The following PNCK variants were observed in gnomAD, a reference collection of about 807,000 sequenced individuals.
PNCK encodes pregnancy up-regulated nonubiquitous CaM kinase, also known as calcium/calmodulin-dependent protein kinase type 1B.
In PNCK, 21 loss-of-function variants were observed where a neutral mutation model predicts 28.3. The ratio of observed to expected loss-of-function variants is 0.74; its 90% CI spans 0.53 to 1.07. The LOEUF is 1.07. Among genes scored for constraint, PNCK ranks in the 50% least tolerant of loss-of-function variants. The pLI, the probability that PNCK is intolerant of heterozygous loss-of-function variation, is 0.00. For missense variants in PNCK, 250 were observed against 298.3 expected, an observed-to-expected ratio of 0.84 and a Z score of 1.19; for synonymous variants, 136 against 125.2, an observed-to-expected ratio of 1.09 and a Z score of -0.58.
At chrX:153,678,128 C>T (rs1557042003), upstream of PNCK, among the ~76,000 whole-genome samples, 1 of 109,562 alleles carries the variant, frequency 9.1e-6, no homozygotes. Flanking sequence ...AGCTGCCTGC[C>T]CTTGCTTGTC....
At position 153,671,275 on chromosome X, in the gene PNCK, G is replaced by A. The variant is rs373164616; in HGVS notation, c.614+10C>T. On this transcript the variant is annotated intron_variant, in intron 7 of 11. Transcript: ENST00000340888. Reference sequence around the variant, plus strand: ...CAGGCAGGAGACAAGCCTTCCCAGCGGTCACTCACAGGATGTAGGAGATGA... The same window carrying A: ...CAGGCAGGAGACAAGCCTTCCCAGCAGTCACTCACAGGATGTAGGAGATGA... 13 of 1,203,227 alleles carry A rather than the reference G, an allele frequency of 1.1e-5. No individual in the cohort carries two copies. Among genetic ancestry groups the A allele is most frequent in the Middle Eastern group, 2.3e-4 (1 of 4,345 alleles).
intron 1 of PNCK, among the ~76,000 whole-genome samples, chrX:153,685,870 G>A: frequency 1.8e-5 from 2 of 113,008 alleles, no homozygotes; most frequent in African/African-American, 6.4e-5. Context: ...ACCAGCTGGG[G>A]GCGGGAGGCA....
upstream of PNCK, chrX:153,673,905 C>T: frequency 1.1e-6 from 1 of 931,547 alleles, no homozygotes; most frequent in Non-Finnish European, 1.3e-6. Context: ...AGTGGCCCAG[C>T]GCGGCCGCGG....
chrX:153,672,163 G>A lies in PNCK; in HGVS notation c.238C>T (p.His80Tyr). 1.7e-6 allele frequency: 2 copies of A among 1,206,973 alleles called. No individual in the cohort carries two copies. Among genetic ancestry groups the A allele is most frequent in the Non-Finnish European group, 2.2e-6 (2 of 893,068 alleles). Residue 80 changes from histidine to tyrosine, a missense_variant, in exon 4 of 12, where the codon CAC becomes TAC. Physicochemically the swap from His to Tyr is moderately conservative, Grantham distance 83. Coordinates refer to ENST00000340888, the MANE Select transcript of PNCK (RefSeq NM_001366977.1). ...AGGTAGAGGTGGGAAGGGCTCTCGT[G>A]GACATCCTCCAGAGCGACGATGTTG... ...HPNIVALEDV[H>Y]ESPSHLYLAM...
chrX:153,677,942 A>G (rs966362858), upstream of PNCK, among the ~76,000 whole-genome samples: 1 of 107,984 alleles, frequency 9.3e-6, no homozygotes, highest in Non-Finnish European at 1.9e-5. Context: ...ATGTACATAT[A>G]GATAGATAGA....
At chrX:153,672,981 ACGAT>A in intron 2 of PNCK, 24 bp downstream of exon 2, 1 of 1,137,551 alleles carries the variant, frequency 8.8e-7, no homozygotes. Flanking sequence ...ACACACACAC[ACGAT>A]CACACACGCG....
chrX:153,672,259 G>A, intron 3 of PNCK, 59 bp from the exon 4 acceptor site: 2 of 1,095,967 alleles, frequency 1.8e-6, no homozygotes, highest in Non-Finnish European at 1.2e-6. Context: ...CTGTCCTGAG[G>A]CCCTGGGGAA....
chrX:153,686,745 C>T (rs1238370369), intron 1 of PNCK: 1 of 112,170 alleles, frequency 8.9e-6, no homozygotes, highest in Non-Finnish European at 1.9e-5. Flanking sequence ...CACCCACCAC[C>T]CCTGGTCTAA....
rs782685531 is a variant in PNCK, at chrX:153,671,907, G to A, written c.387C>T (p.Ser129=). The change falls in exon 5 of 12, where the codon AGC becomes AGT. Residue 129 remains serine (S), a synonymous_variant. Transcript: ENST00000340888. ...TGAGGTCCCGGTGCACGATCCCCAG[G>A]CTGTGCAGGTAGGAGACGGCGCCAA... The part of the protein sequence containing the change: ...QVLGAVSYLH[S]LGIVHRDLKP... 9.9e-6 allele frequency: 12 copies of A among 1,208,068 alleles called. No homozygotes were observed. The highest frequency in any genetic ancestry group is 1.3e-5 in the Non-Finnish European group (12 of 894,828).
intron 1 of PNCK, among the ~76,000 whole-genome samples, chrX:153,684,009 T>C (rs963352357): frequency 8.9e-6 from 1 of 112,788 alleles, no homozygotes; most frequent in Non-Finnish European, 1.9e-5. Context: ...GCTTCCATGT[T>C]AGCAGAATTC....
At chrX:153,679,861 C>A (rs1470211898), upstream of PNCK, among the ~76,000 whole-genome samples, 1 of 110,394 alleles carries the variant, frequency 9.1e-6, no homozygotes. Context: ...CATGAGCCAC[C>A]GCACCTTGCC....
At chrX:153,679,546 T>TTTTTC (rs202177998), upstream of PNCK, among the ~76,000 whole-genome samples, 3,931 of 94,961 alleles carry the variant, frequency 0.041, 199 homozygotes, top group Non-Finnish European at 0.048. Flanking sequence ...TGAGTTGGGA[T>TTTTTC]TTTTCTTTTC....
In PNCK at chrX:153,672,032, G is replaced by A. The variant is rs369687371; in HGVS notation, c.276-14C>T. On this transcript the variant is annotated splice_polypyrimidine_tract_variant and intron_variant, in intron 4 of 11. Coordinates refer to ENST00000340888, the MANE Select transcript of PNCK (RefSeq NM_001366977.1). Reference sequence around the variant, plus strand: ...CCACCCGTCACCCTGGGGGTGCCAGGGGTTTGGCTGACCCAGGCACTCAGC... The same window carrying A: ...CCACCCGTCACCCTGGGGGTGCCAGAGGTTTGGCTGACCCAGGCACTCAGC... 2 of 1,206,551 alleles carry A rather than the reference G, an allele frequency of 1.7e-6. No individual in the cohort carries two copies. Among genetic ancestry groups the A allele is most frequent in the African/African-American group, 3.5e-5 (2 of 57,317 alleles).
upstream of PNCK, chrX:153,674,224 G>A: frequency 8.6e-7 from 1 of 1,162,935 alleles, no homozygotes; most frequent in Non-Finnish European, 1.1e-6. Flanking sequence ...TGCCACCCTG[G>A]GCTCCCGGCA....
At chrX:153,683,717 T>C (rs1557042763) in intron 1 of PNCK, among the ~76,000 whole-genome samples, 2 of 111,274 alleles carry the variant, frequency 1.8e-5, no homozygotes, top group South Asian at 3.8e-4. Flanking sequence ...TTTTTAAAGA[T>C]AGTTTGGCGG....
Position 153,671,173 on chromosome X carries a change from G to A in PNCK, c.632C>T (p.Pro211Leu). ...ISYILLCGYP[P>L]FYDESDPELF... ...CTCAGGGTCGCTCTCGTCGTAGAAG[G>A]GGGGGTACCCACACAGCCTGGCACC... The change falls in exon 8 of 12, where the codon CCC becomes CTC. Residue 211 changes from proline (P) to leucine (L), a missense_variant. Transcript: ENST00000340888. 8.3e-7 allele frequency: 1 copy of A among 1,211,914 alleles called. No homozygotes were observed. Among genetic ancestry groups the A allele is most frequent in the Non-Finnish European group, 1.1e-6 (1 of 895,528 alleles).
intron 1 of PNCK, 111 bp downstream of exon 1, chrX:153,673,669 G>T: frequency 2.3e-6 from 1 of 433,861 alleles, no homozygotes; most frequent in Non-Finnish European, 2.9e-6. Flanking sequence ...CGGGCAGGGG[G>T]CGCGCCAGGC....
chrX:153,672,962 C>T, intron 2 of PNCK, 47 bp downstream of exon 2: 1 of 1,072,711 alleles, frequency 9.3e-7, no homozygotes, highest in East Asian at 3.6e-5. Context: ...GGTACACACA[C>T]ACACACACAC....
rs782726089 is a variant in PNCK at position 153,669,789 on chromosome X, A to T, written c.*349T>A. 6.2e-5 allele frequency: 21 copies of T among 341,427 alleles called. No individual in the cohort carries two copies. Among genetic ancestry groups the T allele is most frequent in the South Asian group, 5.5e-4 (21 of 38,466 alleles). 28.1% of individuals were successfully genotyped at this position (341,427 alleles called of 1,213,427 possible). A position where few individuals can be genotyped will look rare whatever the true frequency, so the allele number is the denominator to read the frequency against. ...AACTGGAGGGGGCTGGAAGGCCATG[A>T]CCATGACACAAGCAGGACCACCCAC... On this transcript the variant is annotated 3_prime_UTR_variant, in exon 12 of 12. Transcript: ENST00000340888.
Sources: gnomAD v4.1 joint callset for allele counts (sites outside exome capture counted in the v4.1 genomes callset) on GRCh38, gnomAD v4.1.1 for gene constraint, MANE v1.5 for transcripts, NCBI Gene and HGNC (gene_info 2026-07-23, HGNC 2026-07-21) for gene names.